Variants in SYTL3 observed in about 807,000 individuals in gnomAD.
The protein encoded by SYTL3 is synaptotagmin-like protein 3.
A neutral mutation model predicts 82.1 loss-of-function variants in SYTL3; 88 were observed. That is an observed-to-expected ratio of 1.07 (90% CI 0.90 to 1.28). The LOEUF is 1.28. Among genes scored for constraint, SYTL3 ranks in the 50% most tolerant of loss-of-function variants. The pLI, the probability that SYTL3 is intolerant of heterozygous loss-of-function variation, is 0.00. For missense variants in SYTL3, 831 were observed against 757.6 expected, an observed-to-expected ratio of 1.10 and a Z score of -1.14; for synonymous variants, 311 against 289.4, an observed-to-expected ratio of 1.07 and a Z score of -0.76.
At chr6:158,679,418 A>G (rs1198026622) in intron 5 of SYTL3, among the ~76,000 whole-genome samples, 2 of 152,118 alleles carry the variant, frequency 1.3e-5, no homozygotes, top group Non-Finnish European at 2.9e-5. Flanking sequence ...GAGTCCTTAC[A>G]AAAGATATTG....
intron 11 of SYTL3, among the ~76,000 whole-genome samples, chr6:158,730,648 C>T (rs1428695010): frequency 1.3e-5 from 2 of 152,288 alleles, no homozygotes; most frequent in Non-Finnish European, 2.9e-5. Context: ...CAGCCAGTAA[C>T]CTGGAGTGCA....
At chr6:158,746,860 C>T (rs919450126) in intron 12 of SYTL3, among the ~76,000 whole-genome samples, 2 of 151,802 alleles carry the variant, frequency 1.3e-5, no homozygotes, top group Non-Finnish European at 2.9e-5. Context: ...CACTATGTTG[C>T]TCAACCTGAT....
chr6:158,764,235 A>C (rs1790433523), intron 17 of SYTL3, among the ~76,000 whole-genome samples: 1 of 152,168 alleles, frequency 6.6e-6, no homozygotes, highest in African/African-American at 2.4e-5. Flanking sequence ...CCACCAAACC[A>C]GAGTCCTCGC....
intron 6 of SYTL3, among the ~76,000 whole-genome samples, chr6:158,683,582 G>C (rs2128408435): frequency 6.6e-6 from 1 of 152,296 alleles, no homozygotes; most frequent in Admixed American, 6.5e-5. Flanking sequence ...GCTTCTAGGG[G>C]TGATGTCCCC....
intron 5 of SYTL3, among the ~76,000 whole-genome samples, chr6:158,672,793 A>G (rs532939667): frequency 1.3e-5 from 2 of 151,906 alleles, no homozygotes; most frequent in Non-Finnish European, 2.9e-5. Context: ...TACCACACCC[A>G]GCTAATTTTT....
At chr6:158,725,839 C>T (rs6455600) in intron 11 of SYTL3, 450,481 of 749,850 alleles carry the variant, frequency 0.6, 142,219 homozygotes, top group African/African-American at 0.88. Flanking sequence ...AGGCCTGTGT[C>T]TTGGAGTTAC....
intron 11 of SYTL3, among the ~76,000 whole-genome samples, chr6:158,733,870 G>A (rs1188331178): frequency 6.6e-6 from 1 of 150,736 alleles, no homozygotes; most frequent in African/African-American, 2.4e-5. Context: ...GGCCGAGGAG[G>A]GCGGATCACG....
chr6:158,715,872 C>T (rs538218366), intron 9 of SYTL3, among the ~76,000 whole-genome samples: 5 of 152,218 alleles, frequency 3.3e-5, no homozygotes, highest in Admixed American at 2.6e-4. Context: ...TCTCGTGCTC[C>T]TATTATCTTA....
intron 5 of SYTL3, among the ~76,000 whole-genome samples, chr6:158,681,552 C>T (rs963339288): frequency 2.0e-5 from 3 of 152,174 alleles, no homozygotes; most frequent in East Asian, 3.9e-4. Context: ...GTGGCGGGCA[C>T]CTGTAGTCCC....
At chr6:158,674,112 TA>T (rs1777744149) in intron 5 of SYTL3, among the ~76,000 whole-genome samples, 1 of 145,952 alleles carries the variant, frequency 6.9e-6, no homozygotes, top group Non-Finnish European at 1.5e-5. Context: ...ATAATAATAA[TA>T]ATAATAATGA....
intron 6 of SYTL3, 78 bp from the exon 7 acceptor site, chr6:158,707,152 T>A (rs1782189895): frequency 3.6e-6 from 5 of 1,384,728 alleles, no homozygotes; most frequent in Non-Finnish European, 5.1e-6. Context: ...AAAATAATTT[T>A]AATCTACTAT....
At chr6:158,760,810 CAG>C in intron 15 of SYTL3, 65 bp downstream of exon 15, 1 of 1,324,878 alleles carries the variant, frequency 7.5e-7, no homozygotes, top group Non-Finnish European at 1.1e-6. Flanking sequence ...GTGCTGCAGG[CAG>C]ACTGAGGTGG....
At chr6:158,712,467 C>T (rs145656467) in intron 8 of SYTL3, among the ~76,000 whole-genome samples, 2 of 152,218 alleles carry the variant, frequency 1.3e-5, no homozygotes, top group East Asian at 3.9e-4. Flanking sequence ...CAACCTGTAC[C>T]CATAGGCTCT....
chr6:158,667,021 G>A (rs770648949), intron 5 of SYTL3, among the ~76,000 whole-genome samples: 1 of 152,172 alleles, frequency 6.6e-6, no homozygotes, highest in Non-Finnish European at 1.5e-5. Flanking sequence ...CTGCCCTGGC[G>A]GCATAGAGAG....
intron 2 of SYTL3, among the ~76,000 whole-genome samples, chr6:158,659,377 C>T (rs376515935): frequency 2.6e-5 from 4 of 152,140 alleles, no homozygotes; most frequent in Middle Eastern, 3.4e-3. Flanking sequence ...CTTCTTGAGA[C>T]GGAGTTTCAC....
Position 158,760,678 on chromosome 6 carries a change from A to G in SYTL3, c.1347A>G (p.Gly449=). Residue 449 remains glycine, a synonymous_variant, in exon 15 of 18, where the codon GGA becomes GGG. Transcript: ENST00000611299. The stretch of plus-strand genomic sequence containing the variant: ...AAGACAGCGTTCCTCAGAGTAATGG[A>G]GAGCTCACAGTCCGGGCTAAGCTGG... The part of the protein sequence containing the change: ...KYEDSVPQSN[G]ELTVRAKLVL... The G allele has an allele frequency of 6.2e-7, 1 of 1,614,090 alleles. No individual in the cohort carries two copies. Among genetic ancestry groups the G allele is most frequent in the Admixed American group, 1.7e-5 (1 of 60,022 alleles).
rs1401822482 is a variant in SYTL3 at position 158,674,116 on chromosome 6, AATAATG to A, written c.329+8506_329+8511del. On this transcript the variant is annotated intron_variant, in intron 5 of 17. Coordinates refer to ENST00000611299, the MANE Select transcript of SYTL3 (RefSeq NM_001242394.2). ...TAATAATAATAATAATAATAATAAT[AATAATG>A]ATGATGATGATGATAATCTTCTCCC... 8.7e-3 allele frequency among the ~76,000 whole-genome samples: 1,263 copies of A among 144,782 alleles called. 22 individuals carry two copies. Among genetic ancestry groups the A allele is most frequent in the African/African-American group, 0.031 (1,143 of 36,754 alleles). 95.0% of individuals were successfully genotyped at this position (144,782 alleles called of 152,430 possible). A position where few individuals can be genotyped will look rare whatever the true frequency, so the allele number is the denominator to read the frequency against.
intron 11 of SYTL3, among the ~76,000 whole-genome samples, chr6:158,735,991 T>C (rs1374079051): frequency 6.6e-6 from 1 of 152,208 alleles, no homozygotes; most frequent in African/African-American, 2.4e-5. Flanking sequence ...TTATCATGAA[T>C]GTTGGCCAAA....
At chr6:158,720,928 T>C (rs1324468893) in intron 10 of SYTL3, among the ~76,000 whole-genome samples, 1 of 152,188 alleles carries the variant, frequency 6.6e-6, no homozygotes, top group African/African-American at 2.4e-5. Context: ...AGGCTGGGCT[T>C]GTGGCGTTCT....
Sources: gnomAD v4.1 joint callset for allele counts (sites outside exome capture counted in the v4.1 genomes callset) on GRCh38, gnomAD v4.1.1 for gene constraint, MANE v1.5 for transcripts, NCBI Gene and HGNC (gene_info 2026-07-23, HGNC 2026-07-21) for gene names.